The following ACACA variants were observed in gnomAD, a reference collection of about 807,000 sequenced individuals.
ACACA encodes the protein acetyl-CoA carboxylase alpha, also known as acetyl-CoA carboxylase 1.
A neutral mutation model predicts 296.1 loss-of-function variants in ACACA; 103 were observed. The ratio of observed to expected loss-of-function variants is 0.35; its 90% confidence interval spans 0.30 to 0.41. The LOEUF (loss-of-function observed/expected upper bound fraction) is 0.41, where lower values mean the gene tolerates loss of function less well. Ranked by LOEUF, ACACA falls within the 10% of genes least tolerant of loss-of-function variation. ACACA has a pLI of 1.00. For synonymous variants in ACACA, 953 were observed against 1,038.6 expected, an observed-to-expected ratio of 0.92 and a Z score of 1.58; for missense variants, 1,554 against 2,989.7, an observed-to-expected ratio of 0.52 and a Z score of 11.20.
intron 50 of ACACA, among the ~76,000 whole-genome samples, chr17:37,120,753 C>T (rs1297673790): frequency 1.3e-5 from 2 of 148,262 alleles, no homozygotes; most frequent in African/African-American, 2.5e-5. Flanking sequence ...TGTCCACAGT[C>T]GCTCTACACA....
chr17:37,289,295 C>T, intron 3 of ACACA: 1 of 405,410 alleles, frequency 2.5e-6, no homozygotes. Context: ...AATCATTTAA[C>T]TGTCCACATA....
chr17:37,341,689 C>CAA (rs11433722), intron 1 of ACACA, among the ~76,000 whole-genome samples: 21 of 85,722 alleles, frequency 2.4e-4, no homozygotes, highest in Middle Eastern at 6.3e-3. Context: ...GACTCTGTCT[C>CAA]AAAAAAAAAA....
Position 37,191,182 on chromosome 17 carries a change from G to A in ACACA, c.4510C>T (p.Arg1504Cys), listed in dbSNP as rs752673905. Reference sequence around the variant, plus strand: ...AGGAAGATGTGGTTACAGTCAGTGCGGACATTTGTATTGTTAAAAGCAACT... The same window carrying A: ...AGGAAGATGTGGTTACAGTCAGTGCAGACATTTGTATTGTTAAAAGCAACT... ...LEVAFNNTNV[R>C]TDCNHIFLNF... The change falls in exon 38 of 56, where the codon CGC becomes TGC. Residue 1504 changes from arginine to cysteine, a missense_variant. Arg to Cys is a radical substitution (Grantham distance 180, BLOSUM62 -3). This residue lies in a region of ACACA where 35 missense variants were observed against 131.8 expected (regional missense o/e 0.27). Transcript: ENST00000616317. 2.5e-6 allele frequency: 4 copies of A among 1,614,026 alleles called. No homozygotes were observed. The highest frequency in any genetic ancestry group is 1.1e-5 in the South Asian group (1 of 91,076).
intron 1 of ACACA, among the ~76,000 whole-genome samples, chr17:37,342,766 G>A (rs905031589): frequency 6.7e-6 from 1 of 149,828 alleles, no homozygotes; most frequent in African/African-American, 2.5e-5. Context: ...GCAATATGAC[G>A]AAACCCCATC....
chr17:37,295,029 G>T (rs902263547), intron 3 of ACACA, among the ~76,000 whole-genome samples: 1 of 152,240 alleles, frequency 6.6e-6, no homozygotes, highest in African/African-American at 2.4e-5. Context: ...GTAATGATAG[G>T]AACTGGAGGC....
rs571396245 is a variant in ACACA at position 37,277,880 on chromosome 17, C to T, written c.720+16G>A. The T allele has an allele frequency of 2.5e-6, 4 of 1,579,074 alleles. No homozygotes were observed. Among genetic ancestry groups the T allele is most frequent in the African/African-American group, 2.7e-5 (2 of 74,332 alleles). ...TGGCTGAATTTGGTTTTAAAGGACA[C>T]ATTGGCATCTCTTACTTGTACTGGG... On this transcript the variant is annotated intron_variant, in intron 6 of 55. Coordinates refer to ENST00000616317, the MANE Select transcript of ACACA (RefSeq NM_198834.3).
intron 45 of ACACA, chr17:37,144,078 T>C (rs2075714000): frequency 2.6e-6 from 2 of 762,994 alleles, no homozygotes; most frequent in Non-Finnish European, 2.4e-6. Context: ...TTTTCATTTC[T>C]CTTTCATAAT....
intron 1 of ACACA, among the ~76,000 whole-genome samples, chr17:37,394,693 G>A (rs1396255206): frequency 2.0e-5 from 3 of 148,662 alleles, no homozygotes; most frequent in Non-Finnish European, 3.0e-5. Context: ...TGGCTAACAC[G>A]GCGAAACCCT....
At chr17:37,242,752 TAAAC>T (rs2080479100) in intron 22 of ACACA, among the ~76,000 whole-genome samples, 1 of 148,518 alleles carries the variant, frequency 6.7e-6, no homozygotes, top group African/African-American at 2.5e-5. Flanking sequence ...AATAAATAAA[TAAAC>T]AGCTGGGCAC....
At chr17:37,339,748 C>A in intron 2 of ACACA, 56 bp downstream of exon 2, 1 of 1,099,640 alleles carries the variant, frequency 9.1e-7, no homozygotes, top group Non-Finnish European at 1.4e-6. Context: ...TGATATTTTA[C>A]AACATGAACA....
intron 35 of ACACA, among the ~76,000 whole-genome samples, chr17:37,194,933 A>G (rs1281907116): frequency 1.3e-5 from 2 of 150,452 alleles, no homozygotes; most frequent in Non-Finnish European, 3.0e-5. Flanking sequence ...ATTCTCTGAC[A>G]CCCCCCCCAC....
At chr17:37,205,713 C>G in intron 33 of ACACA, 52 bp downstream of exon 33, 1 of 1,352,548 alleles carries the variant, frequency 7.4e-7, no homozygotes, top group Non-Finnish European at 1.1e-6. Context: ...AGCTATGATA[C>G]ACAGCCAGTA....
intron 30 of ACACA, 125 bp from the exon 31 acceptor site, chr17:37,207,925 GT>G: frequency 3.6e-6 from 4 of 1,124,716 alleles, no homozygotes; most frequent in South Asian, 1.3e-5. Context: ...AGCAGATTTG[GT>G]TTTTTTACCC....
chr17:37,324,735 T>C (rs1345654216), intron 3 of ACACA, among the ~76,000 whole-genome samples: 1 of 145,794 alleles, frequency 6.9e-6, no homozygotes, highest in Non-Finnish European at 1.5e-5. Flanking sequence ...CTCGAGAGGC[T>C]GAGGCAGGAG....
At chr17:37,233,255 T>C (rs1344551633) in intron 25 of ACACA, among the ~76,000 whole-genome samples, 2 of 152,184 alleles carry the variant, frequency 1.3e-5, no homozygotes, top group Non-Finnish European at 2.9e-5. Flanking sequence ...CACACCAGCG[T>C]GATTACTTGA....
intron 25 of ACACA, among the ~76,000 whole-genome samples, chr17:37,226,970 C>T (rs1256456104): frequency 6.6e-6 from 1 of 151,208 alleles, no homozygotes; most frequent in Non-Finnish European, 1.5e-5. Context: ...TATTTATAAA[C>T]ACACACTAAC....
At chr17:37,188,901 G>C (rs932579260) in intron 38 of ACACA, among the ~76,000 whole-genome samples, 6 of 152,108 alleles carry the variant, frequency 3.9e-5, no homozygotes, top group Non-Finnish European at 5.9e-5. Context: ...GCACTTACAG[G>C]ACTTTAAATC....
intron 11 of ACACA, among the ~76,000 whole-genome samples, chr17:37,261,833 A>G (rs1397427143): frequency 6.6e-6 from 1 of 151,934 alleles, no homozygotes; most frequent in Non-Finnish European, 1.5e-5. Flanking sequence ...TGTATTTTTC[A>G]TTTTTCCAAA....
At chr17:37,260,249 C>G (rs2081388240) in intron 11 of ACACA, among the ~76,000 whole-genome samples, 1 of 30,500 alleles carries the variant, frequency 3.3e-5, no homozygotes, top group African/African-American at 1.4e-4. Flanking sequence ...ACTCCCAAGT[C>G]ATATATATAT....
Sources: allele counts gnomAD v4.1 joint callset (sites outside exome capture counted in the v4.1 genomes callset), GRCh38; gene constraint gnomAD v4.1.1; regional missense constraint gnomAD v4.1.1; transcripts MANE v1.5; gene names NCBI Gene and HGNC (gene_info 2026-07-23, HGNC 2026-07-21).